CNOT2: variants seen among roughly 807,000 people sequenced by gnomAD.
CNOT2 encodes CCR4-NOT transcription complex subunit 2.
Under a neutral mutation model 72.1 loss-of-function variants are expected in CNOT2, and 7 were observed. The ratio of observed to expected loss-of-function variants is 0.10; its 90% CI spans 0.06 to 0.18. The LOEUF is 0.18. Among genes scored for constraint, CNOT2 ranks in the 10% least tolerant of loss-of-function variants. The pLI is 1.00. For synonymous variants in CNOT2, 196 were observed against 225.6 expected (o/e 0.87, Z 1.17); for missense variants, 345 against 660.3 (o/e 0.52, Z 5.23).
chr12:70,320,719 A>G (rs910297588), intron 4 of CNOT2, among the ~76,000 whole-genome samples: 1 of 151,786 alleles, frequency 6.6e-6, no homozygotes, highest in African/African-American at 2.4e-5. Context: ...GAGCAACTGC[A>G]AAGAACTTAC....
intron 2 of CNOT2, among the ~76,000 whole-genome samples, chr12:70,299,977 A>G (rs1046746998): frequency 7.9e-5 from 12 of 152,208 alleles, no homozygotes; most frequent in Non-Finnish European, 1.8e-4. Context: ...ATGGCCAGTG[A>G]TGATGAGCAT....
At chr12:70,288,207 G>A (rs1482528308) in intron 2 of CNOT2, among the ~76,000 whole-genome samples, 2 of 121,622 alleles carry the variant, frequency 1.6e-5, no homozygotes, top group African/African-American at 2.9e-5. Flanking sequence ...GCAATGGTAC[G>A]ATCTTGGCTC....
At chr12:70,272,572 T>A (rs1238708275) in intron 1 of CNOT2, among the ~76,000 whole-genome samples, 1 of 152,196 alleles carries the variant, frequency 6.6e-6, no homozygotes, top group African/African-American at 2.4e-5. Flanking sequence ...ACTATATTGC[T>A]TATACCGTTA....
At chr12:70,328,997 C>T (rs1007142771) in intron 4 of CNOT2, among the ~76,000 whole-genome samples, 15 of 151,694 alleles carry the variant, frequency 9.9e-5, no homozygotes, top group African/African-American at 1.7e-4. Flanking sequence ...TTCAGCAAAG[C>T]GGGGTTAAAT....
In CNOT2 at chr12:70,287,865, C is replaced by T. The variant is rs371996871; in HGVS notation, c.48+9591C>T. On this transcript the variant is annotated intron_variant, in intron 2 of 15. Coordinates refer to ENST00000229195, the MANE Select transcript of CNOT2 (RefSeq NM_014515.7). ...CATGTTTCTTAGAACTCTGGGAATT[C>T]TTTGAGCACTGGGTAGAAGGGGACA... Among the ~76,000 whole-genome samples the T allele has an allele frequency of 2.8e-4, 42 of 149,728 alleles. 5 individuals are homozygous for T. In the East Asian group the frequency reaches 8.6e-3, roughly 31 times the overall value.
intron 14 of CNOT2, chr12:70,345,741 A>G (rs1413578173): frequency 6.6e-6 from 1 of 152,494 alleles, no homozygotes; most frequent in Non-Finnish European, 1.5e-5. Flanking sequence ...GAATTTACAT[A>G]ATTAATTCAA....
At chr12:70,337,291 C>A (rs563137400) in intron 8 of CNOT2, 98 bp from the exon 9 acceptor site, 12 of 968,018 alleles carry the variant, frequency 1.2e-5, no homozygotes, top group South Asian at 1.7e-5. Flanking sequence ...AAAAAAGAAA[C>A]CTTTTGGTGT....
intron 2 of CNOT2, among the ~76,000 whole-genome samples, chr12:70,303,612 G>T (rs190551827): frequency 2.6e-5 from 4 of 152,274 alleles, no homozygotes; most frequent in Non-Finnish European, 5.9e-5. Context: ...GCTTCCCTTT[G>T]TGGGTAACCC....
intron 13 of CNOT2, among the ~76,000 whole-genome samples, chr12:70,343,418 G>T (rs1881759469): frequency 6.6e-6 from 1 of 152,104 alleles, no homozygotes; most frequent in South Asian, 2.1e-4. Context: ...TTACAGTTTG[G>T]TAAGCAGTTA....
chr12:70,266,375 G>T (rs927886201), intron 1 of CNOT2, among the ~76,000 whole-genome samples: 5 of 152,126 alleles, frequency 3.3e-5, no homozygotes, highest in Non-Finnish European at 7.4e-5. Flanking sequence ...CGCCCACCTT[G>T]GCCTCCCAAA....
At chr12:70,304,293 TC>T (rs1481662633) in intron 2 of CNOT2, among the ~76,000 whole-genome samples, 1 of 152,210 alleles carries the variant, frequency 6.6e-6, no homozygotes, top group Non-Finnish European at 1.5e-5. Flanking sequence ...TTTTAGAGTT[TC>T]CAGTTTTTCT....
chr12:70,292,117 A>C (rs769394000), intron 2 of CNOT2, among the ~76,000 whole-genome samples: 2 of 152,234 alleles, frequency 1.3e-5, no homozygotes, highest in Non-Finnish European at 2.9e-5. Context: ...GAAAACTTCC[A>C]GATGCACCAC....
intron 1 of CNOT2, among the ~76,000 whole-genome samples, chr12:70,244,655 T>C (rs1957790582): frequency 6.6e-6 from 1 of 152,192 alleles, no homozygotes; most frequent in Non-Finnish European, 1.5e-5. Context: ...GAGTGCAACA[T>C]ATTTTGTTTC....
chr12:70,329,455 A>G lies in CNOT2; in HGVS notation c.271A>G (p.Asn91Asp), dbSNP rs997603440. ...ALGLPMRGMS[N>D]NTPQLNRSLS... is the part of the protein sequence containing the mutation. The stretch of plus-strand genomic sequence containing the variant: ...AGGCCTTCCAATGAGGGGGATGAGC[A>G]ACAATACCCCTCAGTTAAATCGCAG... The change falls in exon 5 of 16, where the codon AAC becomes GAC. Residue 91 changes from asparagine (N) to aspartate (D), a missense_variant. By Grantham distance (23) the Asn-to-Asp change is conservative. Coordinates refer to ENST00000229195, the MANE Select transcript of CNOT2 (RefSeq NM_014515.7). 6.2e-7 allele frequency: 1 copy of G among 1,611,498 alleles called. No homozygotes were observed. The highest frequency in any genetic ancestry group is 8.5e-7 in the Non-Finnish European group (1 of 1,178,142).
At chr12:70,283,467 TGATAGATAGATA>T (rs3049214) in intron 2 of CNOT2, among the ~76,000 whole-genome samples, 91 of 142,562 alleles carry the variant, frequency 6.4e-4, no homozygotes, top group African/African-American at 1.8e-3. Flanking sequence ...GTCAGTCGAT[TGATAGATAGATA>T]GATAGATAGA....
At chr12:70,267,667 T>C (rs1959117888) in intron 1 of CNOT2, among the ~76,000 whole-genome samples, 1 of 152,238 alleles carries the variant, frequency 6.6e-6, no homozygotes, top group Admixed American at 6.5e-5. Context: ...CCCTTTTATG[T>C]TGTAGTTTCA....
chr12:70,297,373 C>A (rs1012888441), intron 2 of CNOT2, among the ~76,000 whole-genome samples: 10 of 152,146 alleles, frequency 6.6e-5, no homozygotes, highest in Non-Finnish European at 1.0e-4. Context: ...AAATTTGTTA[C>A]TCAGTATGAA....
intron 15 of CNOT2, among the ~76,000 whole-genome samples, chr12:70,349,943 G>C (rs1340326821): frequency 6.6e-6 from 1 of 152,108 alleles, no homozygotes; most frequent in African/African-American, 2.4e-5. Context: ...AGGAGTTCAA[G>C]GTTGCAGTGA....
intron 2 of CNOT2, among the ~76,000 whole-genome samples, chr12:70,283,228 G>A (rs1346594342): frequency 6.6e-6 from 1 of 152,088 alleles, no homozygotes; most frequent in Non-Finnish European, 1.5e-5. Context: ...AACAGTACCA[G>A]CACCAAAGCA....
Sources: gnomAD v4.1 joint callset for allele counts (sites outside exome capture counted in the v4.1 genomes callset) on GRCh38, gnomAD v4.1.1 for gene constraint, MANE v1.5 for transcripts, NCBI Gene and HGNC (gene_info 2026-07-23, HGNC 2026-07-21) for gene names.